Variants in NUMB observed in about 807,000 individuals in gnomAD.
NUMB encodes the protein protein numb homolog.
Under a neutral mutation model 59.7 loss-of-function variants are expected in NUMB, and 29 were observed. The observed-to-expected ratio is 0.49, with a 90% CI of 0.36 to 0.66. The LOEUF (loss-of-function observed/expected upper bound fraction) is 0.66. Among genes scored for constraint, NUMB ranks in the 30% least tolerant of loss-of-function variants. NUMB has a pLI of 0.00. For missense variants in NUMB, 723 were observed against 822.0 expected, an observed-to-expected ratio of 0.88 and a Z score of 1.47; for synonymous variants, 288 against 288.2, an observed-to-expected ratio of 1.00 and a Z score of 0.01.
intron 4 of NUMB, among the ~76,000 whole-genome samples, chr14:73,351,933 G>A (rs1013393413): frequency 7.3e-5 from 11 of 151,698 alleles, no homozygotes; most frequent in Non-Finnish European, 1.3e-4. Flanking sequence ...CCGAGATGGC[G>A]CCACTGCACT....
chr14:73,344,695 G>A (rs1303744842), intron 4 of NUMB, among the ~76,000 whole-genome samples: 2 of 152,140 alleles, frequency 1.3e-5, no homozygotes, highest in Non-Finnish European at 2.9e-5. Flanking sequence ...AAAATAATGA[G>A]ACCAAATAAC....
At chr14:73,403,374 C>A (rs1169077827) in intron 2 of NUMB, among the ~76,000 whole-genome samples, 1 of 152,174 alleles carries the variant, frequency 6.6e-6, no homozygotes, top group African/African-American at 2.4e-5. Flanking sequence ...TCAGAAACTC[C>A]ACCACAATTT....
intron 6 of NUMB, among the ~76,000 whole-genome samples, chr14:73,314,364 A>G (rs923159283): frequency 2.6e-5 from 4 of 152,120 alleles, no homozygotes; most frequent in Non-Finnish European, 4.4e-5. Context: ...GTAAAACTGG[A>G]GAATTATTAT....
In NUMB at chr14:73,280,568, T is replaced by C. The variant is rs190689195; in HGVS notation, c.1097-1144A>G. Among the ~76,000 whole-genome samples, 6 of 152,084 alleles carry C rather than the reference T, an allele frequency of 3.9e-5. No individual in the cohort carries two copies. The East Asian group carries it at 1.2e-3, about 29-fold the overall frequency. The stretch of plus-strand genomic sequence containing the variant: ...ACTCCAGATACCTATATTAGTTTCT[T>C]CTCCTTAGCCCAGCTCTCAATAACA... On this transcript the variant is annotated intron_variant, in intron 11 of 12. Transcript: ENST00000555238.
chr14:73,367,672 G>C (rs556855115), intron 2 of NUMB, among the ~76,000 whole-genome samples: 53 of 151,674 alleles, frequency 3.5e-4, no homozygotes, highest in African/African-American at 1.1e-3. Flanking sequence ...CTACTCCGGA[G>C]GCTGAGACAG....
intron 1 of NUMB, among the ~76,000 whole-genome samples, chr14:73,451,182 C>A (rs1343956542): frequency 0.038 from 3,209 of 84,808 alleles, 1 homozygote; most frequent in Non-Finnish European, 0.048. Flanking sequence ...AAACAAAAAA[C>A]AAATCTACAC....
chr14:73,457,446 A>C (rs1168680069), intron 1 of NUMB, among the ~76,000 whole-genome samples: 1 of 152,080 alleles, frequency 6.6e-6, no homozygotes, highest in Non-Finnish European at 1.5e-5. Flanking sequence ...CTCCACTGTT[A>C]ATTTCTCATA....
intron 8 of NUMB, 131 bp downstream of exon 8, chr14:73,292,603 G>A (rs776771982): frequency 1.8e-5 from 14 of 770,486 alleles, no homozygotes; most frequent in Non-Finnish European, 2.6e-5. Context: ...AAAAGGAGCT[G>A]AAAGTAGGCT....
intron 1 of NUMB, among the ~76,000 whole-genome samples, chr14:73,441,252 A>G (rs1883043042): frequency 1.3e-5 from 2 of 152,190 alleles, no homozygotes; most frequent in African/African-American, 4.8e-5. Flanking sequence ...AATCAAAACC[A>G]CAATTAATTT....
chr14:73,387,956 CAA>C (rs66701940), intron 2 of NUMB, among the ~76,000 whole-genome samples: 3,724 of 94,292 alleles, frequency 0.039, 72 homozygotes, highest in Middle Eastern at 0.11. Context: ...CTGTCTCTAC[CAA>C]AAAAAAAAAA....
chr14:73,404,758 A>G (rs1425285142), intron 2 of NUMB, among the ~76,000 whole-genome samples: 2 of 152,004 alleles, frequency 1.3e-5, no homozygotes, highest in African/African-American at 4.8e-5. Context: ...GTGAATCTAA[A>G]ATGATTTTCT....
At chr14:73,310,827 A>G (rs1890741415) in intron 6 of NUMB, among the ~76,000 whole-genome samples, 1 of 152,196 alleles carries the variant, frequency 6.6e-6, no homozygotes, top group Admixed American at 6.5e-5. Flanking sequence ...TCCTGTCTCT[A>G]TGTTGAGTCA....
intron 4 of NUMB, among the ~76,000 whole-genome samples, chr14:73,350,074 T>TAC (rs1172254479): frequency 0.049 from 6,459 of 130,904 alleles, 177 homozygotes; most frequent in African/African-American, 0.064. Context: ...CATACATACA[T>TAC]ACATACACAC....
At chr14:73,399,247 T>G (rs1289846314) in intron 2 of NUMB, among the ~76,000 whole-genome samples, 1 of 152,222 alleles carries the variant, frequency 6.6e-6, no homozygotes, top group Non-Finnish European at 1.5e-5. Flanking sequence ...TCCACATCCA[T>G]GGGTTCAACC....
intron 1 of NUMB, among the ~76,000 whole-genome samples, chr14:73,418,911 T>C (rs565744353): frequency 7.9e-5 from 12 of 152,348 alleles, no homozygotes; most frequent in African/African-American, 2.9e-4. Flanking sequence ...CTTCCTTTGC[T>C]TTCTCATTAT....
chr14:73,317,177 T>C (rs1891129533), intron 5 of NUMB, among the ~76,000 whole-genome samples: 1 of 152,284 alleles, frequency 6.6e-6, no homozygotes, highest in Non-Finnish European at 1.5e-5. Flanking sequence ...GGCTAATGTT[T>C]ATACAAGAGC....
intron 2 of NUMB, among the ~76,000 whole-genome samples, chr14:73,371,943 G>C (rs1894692504): frequency 1.4e-5 from 2 of 147,538 alleles, no homozygotes; most frequent in East Asian, 1.9e-4. Context: ...TAAGAAAGAG[G>C]AGAAGTGACC....
At chr14:73,365,880 T>C (rs1010855146) in intron 3 of NUMB, among the ~76,000 whole-genome samples, 1 of 152,230 alleles carries the variant, frequency 6.6e-6, no homozygotes, top group Non-Finnish European at 1.5e-5. Flanking sequence ...GATCAGTTCA[T>C]GGCTGAGTTC....
chr14:73,353,072 G>GGTTTTTTTTTTTTTTTTTT (rs1893521675), intron 4 of NUMB, among the ~76,000 whole-genome samples: 1 of 58,514 alleles, frequency 1.7e-5, no homozygotes, highest in African/African-American at 5.7e-5. Context: ...AGTTTTTCTT[G>GGTTTTTTTTTTTTTTTTTT]TTTTTTTTTT....
Sources: gnomAD v4.1 joint callset for allele counts (sites outside exome capture counted in the v4.1 genomes callset) on GRCh38, gnomAD v4.1.1 for gene constraint, MANE v1.5 for transcripts, NCBI Gene and HGNC (gene_info 2026-07-23, HGNC 2026-07-21) for gene names.